Variants in CBL observed in about 807,000 individuals in gnomAD.
CBL encodes the protein Cbl proto-oncogene.
A neutral mutation model predicts 96.9 loss-of-function variants in CBL; 45 were observed. That is an observed-to-expected ratio of 0.46 (90% CI 0.37 to 0.60). CBL has a LOEUF of 0.60. Among genes scored for constraint, CBL ranks in the 20% least tolerant of loss-of-function variants. The pLI, the probability that CBL is intolerant of heterozygous loss-of-function variation, is 0.00. For missense variants in CBL, 1,024 were observed against 1,143.5 expected, an observed-to-expected ratio of 0.90 and a Z score of 1.51; for synonymous variants, 420 against 426.8, an observed-to-expected ratio of 0.98 and a Z score of 0.20.
rs762939448 is a variant in CBL, at chr11:119,294,425, C to CA, written c.2037-2479dup. Among the ~76,000 whole-genome samples, 1,052 of 129,878 alleles carry CA rather than the reference C, an allele frequency of 8.1e-3. 5 individuals carry two copies. The highest frequency in any genetic ancestry group is 0.01 in the Non-Finnish European group (622 of 60,202). The allele number at this position is 129,878 out of a possible 152,430, so 85.2% of individuals were successfully genotyped here. A position where few individuals can be genotyped will look rare whatever the true frequency, so the allele number is the denominator to read the frequency against. On this transcript the variant is annotated intron_variant, in intron 12 of 15. Transcript: ENST00000264033. ...GCCTGGACGACTGAGTCTCCGTCTC[C>CA]AAAAAAAAAAAAAATTATTGCCTTT... is the stretch of plus-strand genomic sequence containing the variant.
chr11:119,238,859 T>A (rs1949564967), intron 2 of CBL, among the ~76,000 whole-genome samples: 1 of 152,182 alleles, frequency 6.6e-6, no homozygotes, highest in Admixed American at 6.5e-5. Context: ...GGAATTTTGG[T>A]AGATATTGTA....
chr11:119,265,091 G>A (rs1252396252), intron 2 of CBL, among the ~76,000 whole-genome samples: 4 of 152,030 alleles, frequency 2.6e-5, no homozygotes, highest in African/African-American at 9.7e-5. Flanking sequence ...ATATTGCCCA[G>A]GCTGGTCTCA....
At chr11:119,294,520 T>G (rs1436313513) in intron 12 of CBL, among the ~76,000 whole-genome samples, 2 of 141,556 alleles carry the variant, frequency 1.4e-5, no homozygotes, top group African/African-American at 5.2e-5. Context: ...GCAGGCTGGG[T>G]GCGGTGGCTC....
At chr11:119,293,106 T>A (rs1591267943) in intron 12 of CBL, among the ~76,000 whole-genome samples, 1 of 79,366 alleles carries the variant, frequency 1.3e-5, no homozygotes, top group Non-Finnish European at 2.8e-5. Flanking sequence ...GATTCCATCC[T>A]TTTTTTTTTC....
chr11:119,208,207 T>C (rs1257250054), intron 1 of CBL, among the ~76,000 whole-genome samples: 3 of 152,092 alleles, frequency 2.0e-5, no homozygotes, highest in Non-Finnish European at 2.9e-5. Context: ...AATGCTAAAG[T>C]TTGTTAGTTT....
chr11:119,220,381 G>A (rs1949398587), intron 1 of CBL, among the ~76,000 whole-genome samples: 1 of 152,170 alleles, frequency 6.6e-6, no homozygotes, highest in African/African-American at 2.4e-5. Flanking sequence ...GATTATGGTG[G>A]GAGAATCACT....
At chr11:119,247,163 A>G (rs1007811808) in intron 2 of CBL, among the ~76,000 whole-genome samples, 3 of 152,210 alleles carry the variant, frequency 2.0e-5, no homozygotes, top group Non-Finnish European at 4.4e-5. Context: ...TAGTTAGTCT[A>G]TTCATCATTC....
At chr11:119,259,361 A>AT (rs1464543651) in intron 2 of CBL, among the ~76,000 whole-genome samples, 3 of 151,284 alleles carry the variant, frequency 2.0e-5, no homozygotes, top group Admixed American at 6.6e-5. Context: ...TACATTTGTG[A>AT]TTTTTTTCTC....
At chr11:119,291,722 T>C (rs991892569) in intron 12 of CBL, among the ~76,000 whole-genome samples, 1 of 152,202 alleles carries the variant, frequency 6.6e-6, no homozygotes, top group African/African-American at 2.4e-5. Flanking sequence ...AATAAAAATA[T>C]ATATTTTTAA....
chr11:119,302,948 GC>G lies in CBL; in HGVS notation c.*3170del. ...TCTTATACAGACCCTCATTACTGGG[GC>G]CCAAGATGTGGGATACTACTGTTAG... On this transcript the variant is annotated 3_prime_UTR_variant, in exon 16 of 16. Coordinates refer to ENST00000264033, the MANE Select transcript of CBL (RefSeq NM_005188.4). 1 of 229,220 alleles carries G rather than the reference GC, an allele frequency of 4.4e-6. No homozygotes were observed. The highest frequency in any genetic ancestry group is 8.6e-6 in the Non-Finnish European group (1 of 115,618). The allele number at this position is 229,220 out of a possible 1,614,324, so 14.2% of individuals were successfully genotyped here.
intron 12 of CBL, among the ~76,000 whole-genome samples, chr11:119,294,716 G>A (rs981700933): frequency 6.6e-6 from 1 of 151,806 alleles, no homozygotes; most frequent in Non-Finnish European, 1.5e-5. Context: ...GCTTGAACCT[G>A]GAAGGCAGAG....
intron 2 of CBL, among the ~76,000 whole-genome samples, chr11:119,247,823 A>C (rs533946495): frequency 4.6e-5 from 7 of 152,294 alleles, no homozygotes; most frequent in African/African-American, 1.7e-4. Flanking sequence ...AATAAAAATT[A>C]TAGTTTTATA....
intron 2 of CBL, among the ~76,000 whole-genome samples, chr11:119,269,282 T>C (rs985994852): frequency 2.7e-5 from 4 of 147,728 alleles, no homozygotes; most frequent in African/African-American, 1.0e-4. Context: ...AGTCTCACTC[T>C]GTCGTCCAGG....
rs1949339020 is a variant in CBL at position 119,214,096 on chromosome 11, T to C, written c.195+7484T>C. On this transcript the variant is annotated intron_variant, in intron 1 of 15. Coordinates refer to ENST00000264033, the MANE Select transcript of CBL (RefSeq NM_005188.4). The stretch of plus-strand genomic sequence containing the variant: ...AGTAGCTGGGACTACAGGTGTGTGC[T>C]ACCACAGCCGGCTAATTTTTGTATT... Among the ~76,000 whole-genome samples, 5 of 151,974 alleles carry C rather than the reference T, an allele frequency of 3.3e-5. No homozygotes were observed. In the East Asian group the frequency reaches 9.7e-4, roughly 29 times the overall value.
chr11:119,246,877 C>T (rs987372370), intron 2 of CBL, among the ~76,000 whole-genome samples: 34 of 152,210 alleles, frequency 2.2e-4, no homozygotes, highest in Non-Finnish European at 7.3e-5. Context: ...TCGTAACACA[C>T]ATTGGTCACT....
chr11:119,260,013 A>G (rs74392013), intron 2 of CBL, among the ~76,000 whole-genome samples: 7,397 of 152,252 alleles, frequency 0.049, 603 homozygotes, highest in African/African-American at 0.17. Context: ...GATGCCAACA[A>G]TCTTACACAG....
At chr11:119,221,890 A>G (rs749013310) in intron 1 of CBL, among the ~76,000 whole-genome samples, 4 of 152,148 alleles carry the variant, frequency 2.6e-5, no homozygotes, top group African/African-American at 4.8e-5. Flanking sequence ...TAACTCTTTC[A>G]TTTACAGAGA....
intron 1 of CBL, among the ~76,000 whole-genome samples, chr11:119,211,799 C>T (rs1018390087): frequency 2.0e-5 from 3 of 151,648 alleles, no homozygotes; most frequent in African/African-American, 4.8e-5. Context: ...CCACTGTGCC[C>T]GGTTGTTGTT....
chr11:119,297,334 A>T (rs758469810), intron 13 of CBL, 50 bp from the exon 14 acceptor site: 1 of 1,351,564 alleles, frequency 7.4e-7, no homozygotes, highest in African/African-American at 1.4e-5. Context: ...AAGTTTATAG[A>T]TAACAGTTCT....
Sources: allele counts gnomAD v4.1 joint callset (sites outside exome capture counted in the v4.1 genomes callset), GRCh38; gene constraint gnomAD v4.1.1; transcripts MANE v1.5; gene names NCBI Gene and HGNC (gene_info 2026-07-23, HGNC 2026-07-21).